Variants in FADS3 observed in about 807,000 individuals in gnomAD.
FADS3 encodes fatty acid desaturase 3, also known as cytochrome b5-related protein.
In FADS3, 30 loss-of-function variants were observed where a neutral mutation model predicts 60.4. The observed-to-expected ratio is 0.50, with a 90% CI of 0.37 to 0.67. FADS3 has a LOEUF of 0.67. FADS3 is among the 30% of genes least tolerant of loss of function. FADS3 has a pLI of 0.00. For synonymous variants in FADS3, 234 were observed against 249.3 expected (o/e 0.94, Z 0.58); for missense variants, 432 against 598.3 (o/e 0.72, Z 2.90).
chr11:61,891,576 G>A (rs560785921), upstream of FADS3: 59 of 239,484 alleles, frequency 2.5e-4, no homozygotes, highest in East Asian at 2.0e-3. Context: ...CCTTATAACC[G>A]CGCGGACGGC....
chr11:61,877,011 A>G lies in FADS3; in HGVS notation c.886-48T>C. ...TACCGAGAGGTCTCCAGGTGCCCGG[A>G]GGTCTGGAGGCCTGGTGGGTGGGAG... On this transcript the variant is annotated intron_variant, in intron 7 of 11. Coordinates refer to ENST00000278829, the MANE Select transcript of FADS3 (RefSeq NM_021727.5). This position sits in a 1 kb window ranked among gnomAD's most constrained non-coding sequence, Gnocchi z 4.7. 1 of 1,377,102 alleles carries G rather than the reference A, an allele frequency of 7.3e-7. No individual in the cohort carries two copies. Among genetic ancestry groups the G allele is most frequent in the South Asian group, 1.4e-5 (1 of 73,754 alleles). The allele number at this position is 1,377,102 out of a possible 1,614,324, so 85.3% of individuals were successfully genotyped here.
intron 11 of FADS3, among the ~76,000 whole-genome samples, chr11:61,874,886 C>T (rs1298727469): frequency 6.6e-6 from 1 of 151,712 alleles, no homozygotes; most frequent in Non-Finnish European, 1.5e-5. Context: ...CTGTAATGTA[C>T]TTATTTGTTA....
rs1937760560 is a variant in FADS3, at chr11:61,873,695, A to C, written c.*119T>G. The C allele has an allele frequency of 1.2e-5, 9 of 736,040 alleles. No individual in the cohort carries two copies. The highest frequency in any genetic ancestry group is 2.0e-5 in the Non-Finnish European group (8 of 408,082). 45.6% of individuals were successfully genotyped at this position (736,040 alleles called of 1,614,324 possible). A position where few individuals can be genotyped will look rare whatever the true frequency, so the allele number is the denominator to read the frequency against. On this transcript the variant is annotated 3_prime_UTR_variant, in exon 12 of 12. Coordinates refer to ENST00000278829, the MANE Select transcript of FADS3 (RefSeq NM_021727.5). ...GGGCCGAGGGGAAGACAACAGTACC[A>C]GGAGGGCAGGCAGGGCACCCCCAGG... is the stretch of plus-strand genomic sequence containing the variant.
Position 61,877,195 on chromosome 11 carries a change from T to A in FADS3, c.886-232A>T, listed in dbSNP as rs1937928038. 1 of 555,600 alleles carries A rather than the reference T, an allele frequency of 1.8e-6. No homozygotes were observed. Among genetic ancestry groups the A allele is most frequent in the Admixed American group, 3.2e-5 (1 of 31,476 alleles). The allele number at this position is 555,600 out of a possible 1,614,324, so 34.4% of individuals were successfully genotyped here. A position where few individuals can be genotyped will look rare whatever the true frequency, so the allele number is the denominator to read the frequency against. On this transcript the variant is annotated intron_variant, in intron 7 of 11. Transcript: ENST00000278829. The surrounding 1 kb of genome is among the most constrained non-coding windows in gnomAD (Gnocchi z 4.7). Reference sequence around the variant, plus strand: ...GACGAAGGTGTCATGCAGGGTGTGTTGGGGAAGACCCTGCCAGGGACACAG... The same window carrying A: ...GACGAAGGTGTCATGCAGGGTGTGTAGGGGAAGACCCTGCCAGGGACACAG...
chr11:61,874,014 G>A (rs1937777280), intron 11 of FADS3, 149 bp from the exon 12 acceptor site: 7 of 609,278 alleles, frequency 1.1e-5, no homozygotes, highest in Admixed American at 2.9e-5. Context: ...GCGGGCTGGA[G>A]GGTGGGTTGG....
Position 61,880,162 on chromosome 11 carries a change from G to C in FADS3, c.214-11C>G. The C allele has an allele frequency of 6.2e-7, 1 of 1,610,692 alleles. No homozygotes were observed. The highest frequency in any genetic ancestry group is 8.5e-7 in the Non-Finnish European group (1 of 1,177,076). On this transcript the variant is annotated splice_polypyrimidine_tract_variant and intron_variant, in intron 1 of 11. Transcript: ENST00000278829. Reference sequence around the variant, plus strand: ...GGCACGGAAGGCATCCTGAAGGAGAGCAGACAGTCAGGCGGACAGACAGAC... The same window carrying C: ...GGCACGGAAGGCATCCTGAAGGAGACCAGACAGTCAGGCGGACAGACAGAC...
At position 61,877,107 on chromosome 11, in the gene FADS3, G is replaced by A. The variant is rs373559178; in HGVS notation, c.886-144C>T. On this transcript the variant is annotated intron_variant, in intron 7 of 11. Coordinates refer to ENST00000278829, the MANE Select transcript of FADS3 (RefSeq NM_021727.5). This position sits in a 1 kb window ranked among gnomAD's most constrained non-coding sequence, Gnocchi z 4.7. ...CCAGGACAGGCCACCACCCTCTCTG[G>A]TTTTCTCAGCTGAGTAAAGGAACAG... The A allele has an allele frequency of 1.1e-3, 658 of 599,216 alleles. 10 individuals are homozygous for A. The South Asian group carries it at 0.013, about 11-fold the overall frequency. The allele number at this position is 599,216 out of a possible 1,614,324, so 37.1% of individuals were successfully genotyped here. A position where few individuals can be genotyped will look rare whatever the true frequency, so the allele number is the denominator to read the frequency against.
In FADS3 at chr11:61,878,523, A is replaced by C; in HGVS notation, c.736T>G (p.Ser246Ala). The C allele has an allele frequency of 6.2e-7, 1 of 1,613,490 alleles. No individual in the cohort carries two copies. The highest frequency in any genetic ancestry group is 8.5e-7 in the Non-Finnish European group (1 of 1,179,836). ...TVAPVFLLGESSVEYGKKKRR... is the reference protein window; with the variant it reads ...TVAPVFLLGEASVEYGKKKRR... ...CCCTCCCCACCCACCTCGACGGATG[A>C]CTCCCCCAGGAGGAAGACGGGCGCC... The change falls in exon 5 of 12, where the codon TCA (serine) becomes GCA (alanine). Residue 246 changes from serine (S) to alanine (A), a missense_variant. Physicochemically the swap from Ser to Ala is moderately conservative, Grantham distance 99. Transcript: ENST00000278829.
intron 11 of FADS3, 33 bp downstream of exon 11, chr11:61,875,818 C>T: frequency 6.2e-7 from 1 of 1,604,986 alleles, no homozygotes; most frequent in Non-Finnish European, 8.5e-7. Context: ...CTGGGGAAGC[C>T]ACCAGAACAG....
In FADS3 at chr11:61,876,271, C is replaced by G. The variant is rs1937879431; in HGVS notation, c.1081-81G>C. ...CGGCACCATCCCCCACCTGGCAGCC[C>G]CGTCAGGGCCTCATCCCTGCTTTGC... On this transcript the variant is annotated intron_variant, in intron 9 of 11. Coordinates refer to ENST00000278829, the MANE Select transcript of FADS3 (RefSeq NM_021727.5). The surrounding 1 kb of genome is among the most constrained non-coding windows in gnomAD (Gnocchi z 5.7). The G allele has an allele frequency of 6.3e-7, 1 of 1,576,466 alleles. No individual in the cohort carries two copies. The highest frequency in any genetic ancestry group is 1.3e-5 in the African/African-American group (1 of 74,168).
At chr11:61,887,452 G>C (rs538166751) in intron 1 of FADS3, among the ~76,000 whole-genome samples, 1 of 152,202 alleles carries the variant, frequency 6.6e-6, no homozygotes, top group South Asian at 2.1e-4. Flanking sequence ...GACTCCCCAG[G>C]CTTCCCTGCT....
rs146898720 is a variant in FADS3, at chr11:61,883,598, GAC to G, written c.214-3449_214-3448del. Among the ~76,000 whole-genome samples the G allele has an allele frequency of 2.1e-3, 314 of 152,320 alleles. 2 individuals are homozygous for G. Among genetic ancestry groups the G allele is most frequent in the African/African-American group, 6.2e-3 (257 of 41,574 alleles). On this transcript the variant is annotated intron_variant, in intron 1 of 11. Coordinates refer to ENST00000278829, the MANE Select transcript of FADS3 (RefSeq NM_021727.5). ...CGCAAAGATGCAGCTGGCACGCACA[GAC>G]ACACCCGGCGCAACGTGCAAGCTGT... is the stretch of plus-strand genomic sequence containing the variant.
chr11:61,879,494 C>A lies in FADS3; in HGVS notation c.340G>T (p.Asp114Tyr), dbSNP rs1376034100. The change falls in exon 3 of 12, where the codon GAC becomes TAC. Residue 114 changes from aspartate (D) to tyrosine (Y), a missense_variant. By Grantham distance (160) the Asp-to-Tyr change is radical. Transcript: ENST00000278829. Reference sequence around the variant, plus strand: ...GCTGCCTGGTGCAGGGCTCGGAAGTCCTCGACCAGCTGCGCCTGCCATAGC... The same window carrying A: ...GCTGCCTGGTGCAGGGCTCGGAAGTACTCGACCAGCTGCGCCTGCCATAGC... Reference protein sequence around the residue: ...DGPLNAQLVEDFRALHQAAED... With the variant: ...DGPLNAQLVEYFRALHQAAED... The A allele has an allele frequency of 6.3e-7, 1 of 1,585,644 alleles. No homozygotes were observed. The highest frequency in any genetic ancestry group is 1.1e-5 in the South Asian group (1 of 87,070).
Position 61,876,330 on chromosome 11 carries a change from C to T in FADS3, c.1080+29G>A, listed in dbSNP as rs370883665. 6.2e-7 allele frequency: 1 copy of T among 1,607,682 alleles called. No individual in the cohort carries two copies. Among genetic ancestry groups the T allele is most frequent in the Admixed American group, 1.7e-5 (1 of 59,984 alleles). Reference sequence around the variant, plus strand: ...TCCTAGCTGGGACCCCCCACCCCACCCAGGATGGGCCCCACCCCTGCTGCC... The same window carrying T: ...TCCTAGCTGGGACCCCCCACCCCACTCAGGATGGGCCCCACCCCTGCTGCC... On this transcript the variant is annotated intron_variant, in intron 9 of 11. Coordinates refer to ENST00000278829, the MANE Select transcript of FADS3 (RefSeq NM_021727.5). The surrounding 1 kb of genome is among the most constrained non-coding windows in gnomAD (Gnocchi z 5.7).
chr11:61,874,199 A>G (rs1278283825), intron 11 of FADS3, among the ~76,000 whole-genome samples: 1 of 152,216 alleles, frequency 6.6e-6, no homozygotes, highest in Non-Finnish European at 1.5e-5. Flanking sequence ...ACCCAAGGAC[A>G]GAGAGGACGT....
chr11:61,886,310 C>T (rs1244199632), intron 1 of FADS3: 2 of 152,292 alleles, frequency 1.3e-5, no homozygotes, highest in Non-Finnish European at 2.9e-5. Context: ...CAGGAAGAGA[C>T]CGGGAGGGAT....
intron 11 of FADS3, among the ~76,000 whole-genome samples, chr11:61,874,215 C>T (rs1317152216): frequency 1.3e-5 from 2 of 152,236 alleles, no homozygotes; most frequent in African/African-American, 4.8e-5. Flanking sequence ...GACGTGGAAC[C>T]TGCCCACCCG....
chr11:61,888,456 C>G (rs1938385575), intron 1 of FADS3, among the ~76,000 whole-genome samples: 1 of 152,254 alleles, frequency 6.6e-6, no homozygotes, highest in South Asian at 2.1e-4. Context: ...ACTGATTGCA[C>G]CATCCCAGCA....
Position 61,877,373 on chromosome 11 carries a change from G to A in FADS3, c.885+138C>T, listed in dbSNP as rs955815092. On this transcript the variant is annotated intron_variant, in intron 7 of 11. Coordinates refer to ENST00000278829, the MANE Select transcript of FADS3 (RefSeq NM_021727.5). The surrounding 1 kb of genome is among the most constrained non-coding windows in gnomAD (Gnocchi z 4.7). ...TGCGCGCACACATGTGAGCCACACT[G>A]TTGCACGCATACATGTGAGCCACAC... The A allele has an allele frequency of 2.6e-6, 2 of 761,450 alleles. No individual in the cohort carries two copies. 47.2% of individuals were successfully genotyped at this position (761,450 alleles called of 1,614,324 possible). A position where few individuals can be genotyped will look rare whatever the true frequency, so the allele number is the denominator to read the frequency against.
Sources: allele counts gnomAD v4.1 joint callset (sites outside exome capture counted in the v4.1 genomes callset), GRCh38; gene constraint gnomAD v4.1.1; non-coding constraint Gnocchi (gnomAD v3.1); transcripts MANE v1.5; gene names NCBI Gene and HGNC (gene_info 2026-07-23, HGNC 2026-07-21).